GRIA1: variants seen among roughly 807,000 people sequenced by gnomAD.
GRIA1 encodes glutamate receptor 1.
A neutral mutation model predicts 99.2 loss-of-function variants in GRIA1; 31 were observed. The observed-to-expected ratio is 0.31, with a 90% CI of 0.23 to 0.42. The LOEUF (loss-of-function observed/expected upper bound fraction) is 0.42. GRIA1 is among the 10% of genes least tolerant of loss of function. The pLI, the probability that GRIA1 is intolerant of heterozygous loss-of-function variation, is 1.00. For synonymous variants in GRIA1, 438 were observed against 432.4 expected, an observed-to-expected ratio of 1.01 and a Z score of -0.16; for missense variants, 782 against 1,157.5, an observed-to-expected ratio of 0.68 and a Z score of 4.71.
intron 10 of GRIA1, among the ~76,000 whole-genome samples, chr5:153,700,068 A>G (rs1017282177): frequency 6.6e-6 from 1 of 152,196 alleles, no homozygotes; most frequent in Admixed American, 6.5e-5. Flanking sequence ...GGGGATGTGA[A>G]ACTTGAAAAA....
At position 153,804,737 on chromosome 5, in the gene GRIA1, ATTTATTT is replaced by A. The variant is rs1766310089; in HGVS notation, c.2520+2248_2520+2254del. Among the ~76,000 whole-genome samples, 30 of 37,738 alleles carry A rather than the reference ATTTATTT, an allele frequency of 7.9e-4. No individual in the cohort carries two copies. The South Asian group carries it at 0.017, about 22-fold the overall frequency. 24.8% of individuals were successfully genotyped at this position (37,738 alleles called of 152,430 possible). ...TATTAATTAATTAATTAATTAATTT[ATTTATTT>A]ATTTATTTATTTATTTATTTATTTT... is the stretch of plus-strand genomic sequence containing the variant. On this transcript the variant is annotated intron_variant, in intron 15 of 15. Coordinates refer to ENST00000285900, the MANE Select transcript of GRIA1 (RefSeq NM_000827.4).
At chr5:153,492,258 A>G in intron 1 of GRIA1, 1 of 1,535,482 alleles carries the variant, frequency 6.5e-7, no homozygotes, top group South Asian at 1.2e-5. Context: ...TGGAGTGGCC[A>G]TGGAGTAACT....
chr5:153,804,002 C>A (rs182794265), intron 15 of GRIA1, among the ~76,000 whole-genome samples: 20 of 152,282 alleles, frequency 1.3e-4, no homozygotes, highest in Admixed American at 9.8e-4. Context: ...TACCCCACTC[C>A]CACCCTAGCA....
intron 11 of GRIA1, among the ~76,000 whole-genome samples, chr5:153,753,214 G>A (rs1216408542): frequency 2.0e-5 from 3 of 152,192 alleles, no homozygotes; most frequent in African/African-American, 7.2e-5. Flanking sequence ...ATACATGAAT[G>A]TTGTTATAAG....
chr5:153,634,785 T>A lies in GRIA1; in HGVS notation c.221-12143T>A, dbSNP rs1191027731. Among the ~76,000 whole-genome samples, 11 of 152,320 alleles carry A rather than the reference T, an allele frequency of 7.2e-5. No homozygotes were observed. The South Asian group carries it at 2.1e-3, about 29-fold the overall frequency. ...AACAGAAATAAAAATGATTCAGCTTTTCTTCTGTGTCTACCCCTCAACTTA... is the reference window on the plus strand; with the variant it reads ...AACAGAAATAAAAATGATTCAGCTTATCTTCTGTGTCTACCCCTCAACTTA... On this transcript the variant is annotated intron_variant, in intron 2 of 15. Transcript: ENST00000285900.
chr5:153,623,717 G>A (rs1321254057), intron 2 of GRIA1, among the ~76,000 whole-genome samples: 1 of 152,088 alleles, frequency 6.6e-6, no homozygotes, highest in Non-Finnish European at 1.5e-5. Flanking sequence ...CACGCCCAGG[G>A]GAAACTTAAA....
chr5:153,664,323 T>C (rs1755590019), intron 5 of GRIA1, among the ~76,000 whole-genome samples: 1 of 152,162 alleles, frequency 6.6e-6, no homozygotes. Flanking sequence ...ACTGAGGCAC[T>C]AAAAGGTTGA....
intron 2 of GRIA1, among the ~76,000 whole-genome samples, chr5:153,573,493 G>A (rs955045521): frequency 2.6e-5 from 4 of 152,102 alleles, no homozygotes; most frequent in Non-Finnish European, 5.9e-5. Flanking sequence ...ATTAGTAACA[G>A]TATTATCATC....
chr5:153,802,325 CT>C, intron 14 of GRIA1, 30 bp from the exon 15 acceptor site: 5 of 1,610,638 alleles, frequency 3.1e-6, no homozygotes, highest in Non-Finnish European at 4.2e-6. Flanking sequence ...ATTCTTCCCC[CT>C]CCCCTTCCTT....
intron 2 of GRIA1, among the ~76,000 whole-genome samples, chr5:153,555,481 T>G (rs72800777): frequency 0.05 from 7,640 of 152,272 alleles, 267 homozygotes; most frequent in Non-Finnish European, 0.076. Context: ...TTTTTGACAC[T>G]GCTCCTGCTG....
At position 153,620,212 on chromosome 5, in the gene GRIA1, C is replaced by A. The variant is rs78983975; in HGVS notation, c.221-26716C>A. 4.9e-3 allele frequency among the ~76,000 whole-genome samples: 748 copies of A among 151,866 alleles called. 4 individuals are homozygous for A. The highest frequency in any genetic ancestry group is 0.017 in the African/African-American group (700 of 41,400). ...TATGAATAATGAATATTGTACATGC[C>A]GAAATGAGCACTGGAAAACATAGAA... On this transcript the variant is annotated intron_variant, in intron 2 of 15. Coordinates refer to ENST00000285900, the MANE Select transcript of GRIA1 (RefSeq NM_000827.4).
intron 14 of GRIA1, chr5:153,795,686 G>C: frequency 1.5e-6 from 1 of 682,030 alleles, no homozygotes; most frequent in East Asian, 2.8e-5. Context: ...GGAGGCCTTA[G>C]AGAGCTGGGC....
intron 10 of GRIA1, among the ~76,000 whole-genome samples, chr5:153,700,791 A>G (rs1236779657): frequency 2.0e-5 from 3 of 152,226 alleles, no homozygotes; most frequent in Admixed American, 6.5e-5. Flanking sequence ...ATATCAGGGC[A>G]AGAGGAGCCA....
rs762098894 is a variant in GRIA1, at chr5:153,686,242, A to C, written c.1047A>C (p.Leu349Phe). 3 of 1,613,706 alleles carry C rather than the reference A, an allele frequency of 1.9e-6. No individual in the cohort carries two copies. Among genetic ancestry groups the C allele is most frequent in the Non-Finnish European group, 1.7e-6 (2 of 1,179,690 alleles). ...TTTTCCAGGTGCGATTTGAAGGTTT[A>C]ACAGGAAACGTGCAGTTTAATGAGA... ...RALQQVRFEG[L>F]TGNVQFNEKG... Residue 349 changes from leucine to phenylalanine, a missense_variant, in exon 8 of 16, where the codon TTA (leucine) becomes TTC (phenylalanine). Around this residue, in one of 5 missense-constraint regions of GRIA1, gnomAD observed 461 missense variants for 521.7 expected, o/e 0.88. Transcript: ENST00000285900.
At chr5:153,651,601 T>G (rs1465625573) in intron 4 of GRIA1, among the ~76,000 whole-genome samples, 1 of 152,202 alleles carries the variant, frequency 6.6e-6, no homozygotes, top group African/African-American at 2.4e-5. Flanking sequence ...TTAATGGCCT[T>G]CAAGACCCCT....
At chr5:153,620,858 C>G (rs1766974599) in intron 2 of GRIA1, among the ~76,000 whole-genome samples, 1 of 152,158 alleles carries the variant, frequency 6.6e-6, no homozygotes, top group East Asian at 1.9e-4. Context: ...TACCCTAGTT[C>G]TGCCTTTATT....
chr5:153,524,836 T>A (rs939541083), intron 2 of GRIA1, among the ~76,000 whole-genome samples: 6 of 152,178 alleles, frequency 3.9e-5, no homozygotes, highest in African/African-American at 1.4e-4. Flanking sequence ...ACCTGTAATA[T>A]AGTAAGATCC....
At chr5:153,741,297 G>A (rs1480186957) in intron 11 of GRIA1, among the ~76,000 whole-genome samples, 2 of 152,130 alleles carry the variant, frequency 1.3e-5, no homozygotes, top group Non-Finnish European at 2.9e-5. Context: ...CTTATACACT[G>A]TGAGTGAGAA....
At chr5:153,772,214 T>G (rs1357031866) in intron 13 of GRIA1, among the ~76,000 whole-genome samples, 1 of 151,666 alleles carries the variant, frequency 6.6e-6, no homozygotes, top group Non-Finnish European at 1.5e-5. Context: ...TTCAATTTGG[T>G]CTGCAGGATG....
Sources: gnomAD v4.1 joint callset for allele counts (sites outside exome capture counted in the v4.1 genomes callset) on GRCh38, gnomAD v4.1.1 for gene constraint, gnomAD v4.1.1 regional missense constraint, MANE v1.5 for transcripts, NCBI Gene and HGNC (gene_info 2026-07-23, HGNC 2026-07-21) for gene names.